IL1RAPL1: variants seen among roughly 807,000 people sequenced by gnomAD.
IL1RAPL1 encodes the protein interleukin-1 receptor accessory protein-like 1.
IL1RAPL1 carries 3 observed loss-of-function variants against 48.4 expected under a neutral mutation model. The ratio of observed to expected loss-of-function variants is 0.06; its 90% confidence interval spans 0.03 to 0.16. The LOEUF (loss-of-function observed/expected upper bound fraction) is 0.16. Ranked by LOEUF, IL1RAPL1 falls within the 10% of genes least tolerant of loss-of-function variation. The probability of loss-of-function intolerance (pLI) is 1.00; values close to 1 mark genes in which losing one functional copy is unlikely to be tolerated. For synonymous variants in IL1RAPL1, 185 were observed against 187.7 expected, an observed-to-expected ratio of 0.99 and a Z score of 0.12; for missense variants, 349 against 530.6, an observed-to-expected ratio of 0.66 and a Z score of 3.36.
chrX:28,912,931 T>C lies in IL1RAPL1; in HGVS notation c.82+123506T>C, dbSNP rs73631628. Among the ~76,000 whole-genome samples the C allele has an allele frequency of 9.5e-3, 1,060 of 111,750 alleles. 14 individuals are homozygous for C. The highest frequency in any genetic ancestry group is 0.032 in the African/African-American group (997 of 30,872). On this transcript the variant is annotated intron_variant, in intron 2 of 10. Coordinates refer to ENST00000378993, the MANE Select transcript of IL1RAPL1 (RefSeq NM_014271.4). ...CCAGAGTGTTTCCATTAAAAAGGTT[T>C]TGTGATTATTTTATTCAGTTATATT... is the stretch of plus-strand genomic sequence containing the variant.
intron 5 of IL1RAPL1, among the ~76,000 whole-genome samples, chrX:29,433,460 T>A (rs1040376434): frequency 1.8e-5 from 2 of 111,311 alleles, no homozygotes; most frequent in African/African-American, 6.5e-5. Context: ...TTGATGAATA[T>A]CATGTCGTAT....
intron 2 of IL1RAPL1, among the ~76,000 whole-genome samples, chrX:29,063,257 A>G (rs1249555579): frequency 8.9e-6 from 1 of 111,803 alleles, no homozygotes; most frequent in Admixed American, 9.5e-5. Context: ...TTCTAAATAT[A>G]TACAAAATAG....
chrX:29,451,116 TAA>T (rs1432985326), intron 5 of IL1RAPL1, among the ~76,000 whole-genome samples: 20 of 102,733 alleles, frequency 1.9e-4, no homozygotes, highest in African/African-American at 7.0e-4. Flanking sequence ...TACCTAATAT[TAA>T]AAAAAAAAAA....
chrX:28,670,408 C>T (rs1247740098), intron 1 of IL1RAPL1, among the ~76,000 whole-genome samples: 1 of 111,767 alleles, frequency 8.9e-6, no homozygotes, highest in Non-Finnish European at 1.9e-5. Flanking sequence ...GAAAGCCAGC[C>T]TCATCTGCAA....
chrX:29,334,968 C>T (rs1236345398), intron 3 of IL1RAPL1, among the ~76,000 whole-genome samples: 3 of 112,712 alleles, frequency 2.7e-5, no homozygotes, highest in Non-Finnish European at 5.6e-5. Context: ...CACGCCACTG[C>T]ACTCCAGCCT....
chrX:29,496,887 C>A (rs1935220190), intron 5 of IL1RAPL1, among the ~76,000 whole-genome samples: 1 of 111,795 alleles, frequency 8.9e-6, no homozygotes, highest in African/African-American at 3.2e-5. Context: ...TGGACATAAA[C>A]AACTCTCTTA....
chrX:29,764,391 T>C (rs1928829768), intron 6 of IL1RAPL1, among the ~76,000 whole-genome samples: 1 of 112,263 alleles, frequency 8.9e-6, no homozygotes, highest in Non-Finnish European at 1.9e-5. Context: ...GGAGGGCCTT[T>C]ACTGGCTCTC....
At chrX:29,505,319 T>C (rs968230532) in intron 5 of IL1RAPL1, among the ~76,000 whole-genome samples, 3 of 111,666 alleles carry the variant, frequency 2.7e-5, no homozygotes, top group African/African-American at 9.8e-5. Flanking sequence ...TCTGGATTTG[T>C]TTTTGTACTT....
chrX:29,580,762 C>T lies in IL1RAPL1; in HGVS notation c.704-87668C>T, dbSNP rs954865741. On this transcript the variant is annotated intron_variant, in intron 5 of 10. Transcript: ENST00000378993. ...CACTTTTTCTCTTTGCCAATTTGAA[C>T]GCAGATGACTAGACATCTCAATGTA... is the stretch of plus-strand genomic sequence containing the variant. Among the ~76,000 whole-genome samples, 4 of 111,701 alleles carry T rather than the reference C, an allele frequency of 3.6e-5. No homozygotes were observed. The Admixed American group carries it at 3.8e-4, about 11-fold the overall frequency.
chrX:28,981,090 C>CAAAAAAAAAAAAAAAAAAAAA (rs57824632), intron 2 of IL1RAPL1, among the ~76,000 whole-genome samples: 2 of 24,323 alleles, frequency 8.2e-5, no homozygotes, highest in East Asian at 1.4e-3. Flanking sequence ...GACCCTGTCT[C>CAAAAAAAAAAAAAAAAAAAAA]AAAAAAAAAA....
intron 2 of IL1RAPL1, among the ~76,000 whole-genome samples, chrX:29,090,968 T>C (rs919585986): frequency 5.0e-4 from 56 of 112,026 alleles, no homozygotes; most frequent in African/African-American, 1.6e-3. Context: ...TGGAAAATCT[T>C]GTGTTTTGAA....
At chrX:28,620,626 C>T (rs1256715454) in intron 1 of IL1RAPL1, among the ~76,000 whole-genome samples, 2 of 111,784 alleles carry the variant, frequency 1.8e-5, no homozygotes, top group African/African-American at 3.3e-5. Context: ...TTTGATGGCT[C>T]ATTAAACCCA....
intron 6 of IL1RAPL1, among the ~76,000 whole-genome samples, chrX:29,712,424 C>G (rs1221742930): frequency 9.0e-6 from 1 of 111,525 alleles, no homozygotes; most frequent in East Asian, 2.8e-4. Context: ...AGGACAAGGA[C>G]CTTCATACAC....
chrX:28,874,629 GA>G (rs1257818024), intron 2 of IL1RAPL1, among the ~76,000 whole-genome samples: 1 of 112,160 alleles, frequency 8.9e-6, no homozygotes, highest in Non-Finnish European at 1.9e-5. Context: ...TGTATCAACT[GA>G]AATATTTTTC....
intron 1 of IL1RAPL1, among the ~76,000 whole-genome samples, chrX:28,707,393 A>G (rs965678078): frequency 8.9e-6 from 1 of 112,087 alleles, no homozygotes; most frequent in African/African-American, 3.2e-5. Flanking sequence ...TTAAGCTCTA[A>G]TTGCTCATGG....
intron 1 of IL1RAPL1, among the ~76,000 whole-genome samples, chrX:28,742,678 G>C (rs992799465): frequency 8.9e-6 from 1 of 111,732 alleles, no homozygotes; most frequent in African/African-American, 3.2e-5. Flanking sequence ...TTGCAAGAAA[G>C]AGTGGATTAA....
intron 2 of IL1RAPL1, among the ~76,000 whole-genome samples, chrX:28,970,590 C>T (rs755373288): frequency 3.6e-5 from 4 of 111,620 alleles, no homozygotes; most frequent in African/African-American, 9.8e-5. Context: ...CATATAATTA[C>T]GTTGGAGTAT....
chrX:28,873,525 T>C (rs1313869913), intron 2 of IL1RAPL1, among the ~76,000 whole-genome samples: 1 of 17,240 alleles, frequency 5.8e-5, no homozygotes, highest in Non-Finnish European at 8.4e-5. Flanking sequence ...CTTTCTTTCT[T>C]TTTTTTTTTT....
At chrX:29,120,767 A>G (rs1602066093) in intron 2 of IL1RAPL1, among the ~76,000 whole-genome samples, 1 of 111,839 alleles carries the variant, frequency 8.9e-6, no homozygotes, top group South Asian at 3.7e-4. Flanking sequence ...TAATTACAAA[A>G]TTAGTCAAAG....
Sources: allele counts gnomAD v4.1 joint callset (sites outside exome capture counted in the v4.1 genomes callset), GRCh38; gene constraint gnomAD v4.1.1; transcripts MANE v1.5; gene names NCBI Gene and HGNC (gene_info 2026-07-23, HGNC 2026-07-21).